Variants in NPAS2 observed in about 807,000 individuals in gnomAD.
NPAS2 encodes the protein neuronal PAS domain-containing protein 2.
In NPAS2, 23 loss-of-function variants were observed where a neutral mutation model predicts 107.5. The ratio of observed to expected loss-of-function variants is 0.21; its 90% CI spans 0.15 to 0.30. NPAS2 has a LOEUF of 0.30. Ranked by LOEUF, NPAS2 falls within the 10% of genes least tolerant of loss-of-function variation. The pLI, the probability that NPAS2 is intolerant of heterozygous loss-of-function variation, is 1.00. For missense variants in NPAS2, 756 were observed against 1,043.3 expected, an observed-to-expected ratio of 0.72 and a Z score of 3.79; for synonymous variants, 403 against 417.5, an observed-to-expected ratio of 0.97 and a Z score of 0.42.
At position 100,993,331 on chromosome 2, in the gene NPAS2, T is replaced by C; in HGVS notation, c.2112-16T>C. On this transcript the variant is annotated splice_polypyrimidine_tract_variant and intron_variant, in intron 19 of 20. Coordinates refer to ENST00000335681, the MANE Select transcript of NPAS2 (RefSeq NM_002518.4). ...CTTTCTTAAAGGACCTGTTTTCTCC[T>C]TCCCACGTGAAACAGGTACGCCCAG... 3.9e-6 allele frequency: 6 copies of C among 1,547,104 alleles called. No homozygotes were observed. The highest frequency in any genetic ancestry group is 5.3e-6 in the Non-Finnish European group (6 of 1,142,056).
At chr2:100,821,131 G>C in intron 1 of NPAS2, 3 of 1,304,702 alleles carry the variant, frequency 2.3e-6, no homozygotes, top group Middle Eastern at 2.1e-4. Flanking sequence ...CCAGGGAAGG[G>C]ACAGGCACCA....
chr2:100,922,982 T>G (rs1482037001), intron 2 of NPAS2, among the ~76,000 whole-genome samples: 1 of 152,212 alleles, frequency 6.6e-6, no homozygotes, highest in Admixed American at 6.5e-5. Context: ...ACAGAGCTTT[T>G]TTTGGCTAAG....
chr2:100,880,580 T>C (rs1680269583), intron 1 of NPAS2, among the ~76,000 whole-genome samples: 1 of 152,084 alleles, frequency 6.6e-6, no homozygotes, highest in South Asian at 2.1e-4. Flanking sequence ...AGAAAATCCC[T>C]TGAGACAGGG....
At chr2:100,850,263 A>C (rs925329038) in intron 1 of NPAS2, among the ~76,000 whole-genome samples, 29 of 152,196 alleles carry the variant, frequency 1.9e-4, no homozygotes, top group Non-Finnish European at 3.8e-4. Flanking sequence ...ACTATAATCG[A>C]GTTCTCATAT....
intron 1 of NPAS2, among the ~76,000 whole-genome samples, chr2:100,886,281 C>G (rs1680693595): frequency 1.3e-5 from 2 of 152,338 alleles, no homozygotes; most frequent in South Asian, 4.1e-4. Flanking sequence ...GTCTTCAGCT[C>G]TTCAGGAAAA....
chr2:100,846,153 T>C (rs1336511282), intron 1 of NPAS2, among the ~76,000 whole-genome samples: 1 of 152,160 alleles, frequency 6.6e-6, no homozygotes, highest in Non-Finnish European at 1.5e-5. Context: ...CCCTCCCCCA[T>C]GGTTTTCTGC....
chr2:100,823,416 G>A (rs1384782348), intron 1 of NPAS2: 1 of 152,056 alleles, frequency 6.6e-6, no homozygotes, highest in Non-Finnish European at 1.5e-5. Context: ...AAAACAATGG[G>A]TGGTTCCATT....
chr2:100,852,163 A>G (rs182633843), intron 1 of NPAS2, among the ~76,000 whole-genome samples: 22,554 of 151,936 alleles, frequency 0.15, 2,017 homozygotes, highest in South Asian at 0.24. Context: ...TTGGGAGGTC[A>G]AGGCGGGCGG....
intron 15 of NPAS2, among the ~76,000 whole-genome samples, 162 bp from the exon 16 acceptor site, chr2:100,982,069 C>G (rs1456451364): frequency 6.6e-6 from 1 of 152,218 alleles, no homozygotes; most frequent in Non-Finnish European, 1.5e-5. Flanking sequence ...TCATCTGCAG[C>G]CCCTGTTCAC....
chr2:100,939,628 G>T (rs1364951326), intron 5 of NPAS2, among the ~76,000 whole-genome samples: 1 of 152,162 alleles, frequency 6.6e-6, no homozygotes, highest in Non-Finnish European at 1.5e-5. Flanking sequence ...GAATGGCAAG[G>T]GCTCGGCAGT....
At chr2:100,939,121 A>G (rs1462205697) in intron 5 of NPAS2, among the ~76,000 whole-genome samples, 1 of 152,122 alleles carries the variant, frequency 6.6e-6, no homozygotes, top group East Asian at 1.9e-4. Context: ...CCAGGGCTCC[A>G]CATCATCCTG....
intron 11 of NPAS2, among the ~76,000 whole-genome samples, chr2:100,969,957 C>T (rs1454208098): frequency 2.0e-5 from 3 of 152,294 alleles, no homozygotes; most frequent in Non-Finnish European, 4.4e-5. Context: ...GACAGACAGA[C>T]ACTACACACA....
chr2:100,827,936 A>ACC (rs1443292641), intron 1 of NPAS2, among the ~76,000 whole-genome samples: 1 of 152,232 alleles, frequency 6.6e-6, no homozygotes, highest in Non-Finnish European at 1.5e-5. Context: ...TACTATCAGT[A>ACC]GTGGGATGGC....
chr2:100,838,173 C>CTT (rs35830048), intron 1 of NPAS2, among the ~76,000 whole-genome samples: 34 of 134,076 alleles, frequency 2.5e-4, no homozygotes, highest in African/African-American at 9.0e-4. Context: ...CCTGGGTTAG[C>CTT]TTTTTTTTTT....
intron 1 of NPAS2, among the ~76,000 whole-genome samples, chr2:100,900,265 C>A (rs778616070): frequency 6.6e-5 from 10 of 151,984 alleles, no homozygotes; most frequent in Non-Finnish European, 1.2e-4. Context: ...ACTAACAGTC[C>A]AATTTTTTTA....
At chr2:100,866,580 A>G (rs542678603) in intron 1 of NPAS2, among the ~76,000 whole-genome samples, 1 of 152,350 alleles carries the variant, frequency 6.6e-6, no homozygotes, top group Admixed American at 6.5e-5. Flanking sequence ...CTTGCCAAGT[A>G]GCATATACAT....
chr2:100,946,789 A>T (rs1431456088), intron 5 of NPAS2, among the ~76,000 whole-genome samples: 1 of 152,150 alleles, frequency 6.6e-6, no homozygotes, highest in Admixed American at 6.5e-5. Flanking sequence ...TGGAAGCTGG[A>T]GAAATAGAAG....
At chr2:100,895,398 A>C (rs1353232242) in intron 1 of NPAS2, among the ~76,000 whole-genome samples, 1 of 152,212 alleles carries the variant, frequency 6.6e-6, no homozygotes, top group Admixed American at 6.5e-5. Flanking sequence ...GGCTGGGAGC[A>C]TCACACTTGT....
At chr2:100,935,261 C>A in intron 4 of NPAS2, 2 of 185,062 alleles carry the variant, frequency 1.1e-5, no homozygotes, top group Non-Finnish European at 1.0e-5. Context: ...GAAAAGCAAT[C>A]TCTTCTCTTA....
Sources: gnomAD v4.1 joint callset for allele counts (sites outside exome capture counted in the v4.1 genomes callset) on GRCh38, gnomAD v4.1.1 for gene constraint, MANE v1.5 for transcripts, NCBI Gene and HGNC (gene_info 2026-07-23, HGNC 2026-07-21) for gene names.